The following RBM33 variants were observed in gnomAD, a reference collection of about 807,000 sequenced individuals.
RBM33 encodes the protein RNA binding motif protein 33, also known as RNA-binding protein 33.
RBM33 carries 28 observed loss-of-function variants against 132.6 expected under a neutral mutation model. That is an observed-to-expected ratio of 0.21 (90% CI 0.16 to 0.29). The LOEUF is 0.29. RBM33 is among the 10% of genes least tolerant of loss of function. RBM33 has a pLI of 1.00. For missense variants in RBM33, 1,291 were observed against 1,518.5 expected, an observed-to-expected ratio of 0.85 and a Z score of 2.49; for synonymous variants, 634 against 593.0, an observed-to-expected ratio of 1.07 and a Z score of -1.01.
intron 14 of RBM33, among the ~76,000 whole-genome samples, chr7:155,757,057 G>A (rs1285143635): frequency 6.6e-6 from 1 of 152,098 alleles, no homozygotes; most frequent in African/African-American, 2.4e-5. Flanking sequence ...TGAAATAAAC[G>A]TCTGTCCATT....
In RBM33 at chr7:155,692,563, C is replaced by G. The variant is rs561881087; in HGVS notation, c.568-8210C>G. Among the ~76,000 whole-genome samples, 14 of 152,306 alleles carry G rather than the reference C, an allele frequency of 9.2e-5. No homozygotes were observed. In the East Asian group the frequency reaches 2.3e-3, roughly 25 times the overall value. On this transcript the variant is annotated intron_variant, in intron 5 of 17. Coordinates refer to ENST00000401878, the MANE Select transcript of RBM33 (RefSeq NM_053043.3). ...CCTATGTGTGCAGGGTCACCTGGCT[C>G]TCTTCACACGGCCCAGTTGGGAGTG...
intron 16 of RBM33, chr7:155,766,922 C>A: frequency 2.1e-6 from 1 of 478,540 alleles, no homozygotes. Flanking sequence ...TTTTAATTGT[C>A]ATAGAAGGTT....
At chr7:155,748,689 G>C (rs566151727) in intron 14 of RBM33, among the ~76,000 whole-genome samples, 1 of 152,084 alleles carries the variant, frequency 6.6e-6, no homozygotes, top group African/African-American at 2.4e-5. Context: ...AGTCTGCCCT[G>C]TGGTTAATTA....
At chr7:155,689,608 T>G (rs1368322747) in intron 5 of RBM33, among the ~76,000 whole-genome samples, 2 of 152,246 alleles carry the variant, frequency 1.3e-5, no homozygotes, top group Non-Finnish European at 2.9e-5. Flanking sequence ...TTGTGGGCAT[T>G]TAATGCTATA....
At chr7:155,730,752 A>C (rs1318816407) in intron 9 of RBM33, among the ~76,000 whole-genome samples, 2 of 152,238 alleles carry the variant, frequency 1.3e-5, no homozygotes, top group Non-Finnish European at 2.9e-5. Context: ...AAAAACTATC[A>C]TGAGAGAATT....
intron 14 of RBM33, among the ~76,000 whole-genome samples, chr7:155,750,126 C>T (rs1340250189): frequency 6.6e-6 from 1 of 152,130 alleles, no homozygotes; most frequent in African/African-American, 2.4e-5. Context: ...GCCTTCCTGA[C>T]TATTAAGTAA....
chr7:155,745,757 C>A lies in RBM33; in HGVS notation c.2979+155C>A, dbSNP rs757482182. 6.0e-5 allele frequency: 45 copies of A among 745,468 alleles called. No homozygotes were observed. Among genetic ancestry groups the A allele is most frequent in the Non-Finnish European group, 7.5e-5 (35 of 467,092 alleles). The allele number at this position is 745,468 out of a possible 1,614,324, so 46.2% of individuals were successfully genotyped here. On this transcript the variant is annotated intron_variant, in intron 14 of 17. Transcript: ENST00000401878. This position sits in a 1 kb window ranked among gnomAD's most constrained non-coding sequence, Gnocchi z 4.1. ...CTACTTGAAGTTGGTATAAGAATTGCCGCTTGACGACAGGCATACATTCTC... is the reference window on the plus strand; with the variant it reads ...CTACTTGAAGTTGGTATAAGAATTGACGCTTGACGACAGGCATACATTCTC...
chr7:155,673,940 G>GTTGTTGT lies in RBM33; in HGVS notation c.171+1027_171+1028insGTTGTTT. On this transcript the variant is annotated intron_variant, in intron 3 of 17. Coordinates refer to ENST00000401878, the MANE Select transcript of RBM33 (RefSeq NM_053043.3). ...TCATTATCAAGATAGTTTAGGCTTAGTTTTTTTTTTTTTTTTTTTTTTTTT... is the reference window on the plus strand; with the variant it reads ...TCATTATCAAGATAGTTTAGGCTTAGTTGTTGTTTTTTTTTTTTTTTTTTTTTTTTTT... Among the ~76,000 whole-genome samples, 12 of 54,194 alleles carry GTTGTTGT rather than the reference G, an allele frequency of 2.2e-4. 1 individual carries two copies. The highest frequency in any genetic ancestry group is 9.9e-4 in the African/African-American group (12 of 12,124). 35.6% of individuals were successfully genotyped at this position (54,194 alleles called of 152,430 possible).
intron 14 of RBM33, among the ~76,000 whole-genome samples, chr7:155,760,942 G>A (rs906380362): frequency 6.6e-6 from 1 of 152,212 alleles, no homozygotes; most frequent in Non-Finnish European, 1.5e-5. Context: ...GGTAGCCCCT[G>A]TAAGACAGGA....
At chr7:155,744,880 T>C (rs752653979) in intron 13 of RBM33, 81 bp from the exon 14 acceptor site, 1 of 1,320,378 alleles carries the variant, frequency 7.6e-7, no homozygotes, top group Non-Finnish European at 1.0e-6. Context: ...TTGTGGTAAA[T>C]GTGTTCTTGT....
At chr7:155,714,850 G>T (rs1800412687) in intron 8 of RBM33, among the ~76,000 whole-genome samples, 1 of 152,154 alleles carries the variant, frequency 6.6e-6, no homozygotes, top group African/African-American at 2.4e-5. Context: ...CCCATACGTG[G>T]GTGAGAAGTA....
intron 1 of RBM33, among the ~76,000 whole-genome samples, chr7:155,654,632 A>T (rs1364154327): frequency 6.6e-6 from 1 of 152,162 alleles, no homozygotes. Context: ...ACAAAAATGT[A>T]GTTATTCTCA....
intron 2 of RBM33, among the ~76,000 whole-genome samples, chr7:155,666,999 C>T (rs1033234689): frequency 9.2e-5 from 14 of 152,112 alleles, no homozygotes; most frequent in Admixed American, 2.0e-4. Flanking sequence ...CCCACTTGAC[C>T]TTCTCTTACA....
Position 155,737,634 on chromosome 7 carries a change from T to G in RBM33, c.1365T>G (p.Pro455=). 3.3e-5 allele frequency: 40 copies of G among 1,208,038 alleles called. No individual in the cohort carries two copies. The highest frequency in any genetic ancestry group is 4.1e-5 in the Non-Finnish European group (36 of 874,510). The allele number at this position is 1,208,038 out of a possible 1,614,324, so 74.8% of individuals were successfully genotyped here. ...ACCAGTGGAGAGCCCCACCCCCGCCTCAGGATCGAGACCCTTTCTTCTTAG... is the reference window on the plus strand; with the variant it reads ...ACCAGTGGAGAGCCCCACCCCCGCCGCAGGATCGAGACCCTTTCTTCTTAG... ...LQDQWRAPPP[P]QDRDPFFLGV... is the part of the protein sequence containing the mutation. Residue 455 remains proline, a synonymous_variant, in exon 10 of 18, where the codon CCT becomes CCG. Coordinates refer to ENST00000401878, the MANE Select transcript of RBM33 (RefSeq NM_053043.3).
Position 155,687,701 on chromosome 7 carries a change from C to T in RBM33, c.567+6793C>T, listed in dbSNP as rs531360739. Reference sequence around the variant, plus strand: ...GTTTCAGCTTTCTACATATGGCTAGCCAGTTTTCCCAGCACCATTTATTAA... The same window carrying T: ...GTTTCAGCTTTCTACATATGGCTAGTCAGTTTTCCCAGCACCATTTATTAA... On this transcript the variant is annotated intron_variant, in intron 5 of 17. Transcript: ENST00000401878. Among the ~76,000 whole-genome samples the T allele has an allele frequency of 5.9e-3, 891 of 152,262 alleles. 14 individuals are homozygous for T. Among genetic ancestry groups the T allele is most frequent in the African/African-American group, 0.02 (828 of 41,524 alleles).
At chr7:155,667,832 AATTG>A (rs898295334) in intron 2 of RBM33, among the ~76,000 whole-genome samples, 4 of 152,120 alleles carry the variant, frequency 2.6e-5, no homozygotes, top group Admixed American at 2.6e-4. Context: ...AAATTGATTG[AATTG>A]ATTGATTTTT....
intron 5 of RBM33, among the ~76,000 whole-genome samples, chr7:155,681,943 C>T (rs1204954319): frequency 2.7e-5 from 4 of 149,840 alleles, no homozygotes; most frequent in Non-Finnish European, 3.0e-5. Context: ...TTTTTCTAGA[C>T]GGACTCTTGG....
In RBM33 at chr7:155,718,443, A is replaced by G; in HGVS notation, c.1260A>G (p.Pro420=). The part of the protein sequence containing the change: ...PRPAVGPQRF[P]GPPEFPQHTP... The stretch of plus-strand genomic sequence containing the variant: ...CTGCCGTGGGACCCCAGAGATTCCC[A>G]GTGAGTAGCAGCTGCTCCTTCTCCT... Residue 420 remains proline (P), a splice_region_variant and synonymous_variant, in exon 9 of 18, where the codon CCA becomes CCG. Transcript: ENST00000401878. The G allele has an allele frequency of 1.2e-6, 2 of 1,613,358 alleles. No homozygotes were observed. Among genetic ancestry groups the G allele is most frequent in the Non-Finnish European group, 1.7e-6 (2 of 1,179,414 alleles).
At chr7:155,761,987 A>G (rs914058200) in intron 14 of RBM33, among the ~76,000 whole-genome samples, 5 of 152,038 alleles carry the variant, frequency 3.3e-5, no homozygotes, top group Admixed American at 3.3e-4. Context: ...CAGTGTTTGT[A>G]TTATTTTTAT....
Sources: gnomAD v4.1 joint callset for allele counts (sites outside exome capture counted in the v4.1 genomes callset) on GRCh38, gnomAD v4.1.1 for gene constraint, Gnocchi (gnomAD v3.1) non-coding constraint, MANE v1.5 for transcripts, NCBI Gene and HGNC (gene_info 2026-07-23, HGNC 2026-07-21) for gene names.